KCNV2: variants seen among roughly 807,000 people sequenced by gnomAD.
KCNV2 encodes potassium voltage-gated channel subfamily V member 2.
KCNV2 carries 65 observed loss-of-function variants against 37.0 expected under a neutral mutation model. The observed-to-expected ratio is 1.76, with a 90% CI of 1.44 to 2.16. The LOEUF (loss-of-function observed/expected upper bound fraction) is 2.16. Among genes scored for constraint, KCNV2 ranks in the 30% most tolerant of loss-of-function variants. The pLI, the probability that KCNV2 is intolerant of heterozygous loss-of-function variation, is 0.00. For missense variants in KCNV2, 1,232 were observed against 766.7 expected (o/e 1.61, Z -7.17); for synonymous variants, 518 against 328.6 (o/e 1.58, Z -6.23).
chr9:2,722,413 T>C (rs1819893235), intron 1 of KCNV2, among the ~76,000 whole-genome samples: 1 of 138,350 alleles, frequency 7.2e-6, no homozygotes, highest in South Asian at 2.2e-4. Context: ...ATAAATAAGT[T>C]ATTTATAAAT....
At chr9:2,725,950 T>C (rs2130866878) in intron 1 of KCNV2, among the ~76,000 whole-genome samples, 1 of 152,360 alleles carries the variant, frequency 6.6e-6, no homozygotes, top group South Asian at 2.1e-4. Context: ...ATTCTGGCTT[T>C]GGGACCCAAG....
intron 1 of KCNV2, among the ~76,000 whole-genome samples, chr9:2,727,723 TATA>T (rs1267428777): frequency 3.9e-5 from 6 of 152,132 alleles, no homozygotes; most frequent in Admixed American, 2.0e-4. Flanking sequence ...ATGATATATA[TATA>T]ATAATATTAT....
Position 2,718,313 on chromosome 9 carries a change from C to T in KCNV2, c.574C>T (p.Leu192Phe), listed in dbSNP as rs1423174083. 10 of 1,607,384 alleles carry T rather than the reference C, an allele frequency of 6.2e-6. No homozygotes were observed. The highest frequency in any genetic ancestry group is 8.5e-6 in the Non-Finnish European group (10 of 1,178,616). ...GGAGCTGGGCTACTGGGGCGTGCGG[C>T]TCAAGTACACGCCACGCTGCTGCCG... ...LEELGYWGVR[L>F]KYTPRCCRIC... The change falls in exon 1 of 2, where the codon CTC (leucine) becomes TTC (phenylalanine). Residue 192 changes from leucine to phenylalanine, a missense_variant. By Grantham distance (22) the Leu-to-Phe change is conservative. Transcript: ENST00000382082.
At chr9:2,719,310 G>T (rs1819818354) in intron 1 of KCNV2, among the ~76,000 whole-genome samples, 1 of 152,114 alleles carries the variant, frequency 6.6e-6, no homozygotes, top group Non-Finnish European at 1.5e-5. Flanking sequence ...TGACTTAGTC[G>T]TAGAAATCTC....
Position 2,717,946 on chromosome 9 carries a change from C to T in KCNV2, c.207C>T (p.Asp69=), listed in dbSNP as rs141193056. 1.8e-4 allele frequency: 286 copies of T among 1,614,004 alleles called. No homozygotes were observed. In the African/African-American group the frequency reaches 3.5e-3, roughly 20 times the overall value. Residue 69 remains aspartate (D), a synonymous_variant, in exon 1 of 2, where the codon GAC becomes GAT. Coordinates refer to ENST00000382082, the MANE Select transcript of KCNV2 (RefSeq NM_133497.4). ...GCGAGGAGGAGGACCAGTGGAAGGA[C>T]GACCTGGCAGAAGAGGACCAGCAGG... ...EDGEEEDQWK[D]DLAEEDQQAG...
At chr9:2,719,156 C>T in intron 1 of KCNV2, 61 bp downstream of exon 1, 1 of 1,577,410 alleles carries the variant, frequency 6.3e-7, no homozygotes, top group Non-Finnish European at 8.6e-7. Context: ...CTGCTCCTCC[C>T]TCCCCTGGTT....
rs2130859870 is a variant in KCNV2 at position 2,717,728 on chromosome 9, C to G, written c.-12C>G. 6.2e-7 allele frequency: 1 copy of G among 1,614,212 alleles called. No homozygotes were observed. Among genetic ancestry groups the G allele is most frequent in the Middle Eastern group, 1.6e-4 (1 of 6,062 alleles). On this transcript the variant is annotated 5_prime_UTR_variant, in exon 1 of 2. Transcript: ENST00000382082. Reference sequence around the variant, plus strand: ...CCAGGAGGAAAAAGCTAGGCGTCCACTTTCCGCAGCCATGCTCAAACAGAG... The same window carrying G: ...CCAGGAGGAAAAAGCTAGGCGTCCAGTTTCCGCAGCCATGCTCAAACAGAG...
chr9:2,719,206 C>G, intron 1 of KCNV2, 111 bp downstream of exon 1: 2 of 1,224,416 alleles, frequency 1.6e-6, no homozygotes, highest in Non-Finnish European at 2.3e-6. Flanking sequence ...TCGTCTTCCC[C>G]CCCACCCCCA....
At chr9:2,727,289 TGGGGGAG>T (rs897795414) in intron 1 of KCNV2, among the ~76,000 whole-genome samples, 6 of 33,520 alleles carry the variant, frequency 1.8e-4, no homozygotes, top group African/African-American at 7.3e-4. Context: ...TGTTGTGGGG[TGGGGGAG>T]GGGGGAGGGG....
intron 1 of KCNV2, among the ~76,000 whole-genome samples, chr9:2,728,710 T>G (rs974470803): frequency 3.9e-5 from 6 of 152,150 alleles, no homozygotes; most frequent in Non-Finnish European, 5.9e-5. Flanking sequence ...TTGAACTACG[T>G]AACAACTTTG....
At position 2,718,514 on chromosome 9, in the gene KCNV2, G is replaced by A. The variant is rs2130861197; in HGVS notation, c.775G>A (p.Ala259Thr). The A allele has an allele frequency of 2.5e-6, 4 of 1,610,526 alleles. No homozygotes were observed. Among genetic ancestry groups the A allele is most frequent in the Admixed American group, 1.7e-5 (1 of 59,696 alleles). The change falls in exon 1 of 2, where the codon GCC becomes ACC. Residue 259 changes from alanine to threonine, a missense_variant. By Grantham distance (58) the Ala-to-Thr change is moderately conservative. Transcript: ENST00000382082. ...GGAGAAGCCATTCTCCTCGGTGGCC[G>A]CCAAGGCCATCGGGGTGGCCTCCAG... Reference protein sequence around the residue: ...LMEKPFSSVAAKAIGVASSTF... With the variant: ...LMEKPFSSVATKAIGVASSTF...
In KCNV2 at chr9:2,718,289, G is replaced by C. The variant is rs1012003891; in HGVS notation, c.550G>C (p.Glu184Gln). ...GCTGTGTCCGCGCCGCTTCCTGGAG[G>C]AGCTGGGCTACTGGGGCGTGCGGCT... ...DGLCPRRFLEELGYWGVRLKY... is the reference protein window; with the variant it reads ...DGLCPRRFLEQLGYWGVRLKY... Residue 184 changes from glutamate to glutamine, a missense_variant, in exon 1 of 2, where the codon GAG (glutamate) becomes CAG (glutamine). Physicochemically the swap from Glu to Gln is conservative, Grantham distance 29. Transcript: ENST00000382082. 1.2e-6 allele frequency: 2 copies of C among 1,611,292 alleles called. No individual in the cohort carries two copies. Among genetic ancestry groups the C allele is most frequent in the African/African-American group, 2.7e-5 (2 of 75,054 alleles).
At chr9:2,722,936 C>G (rs574638139) in intron 1 of KCNV2, among the ~76,000 whole-genome samples, 1 of 152,278 alleles carries the variant, frequency 6.6e-6, no homozygotes, top group East Asian at 1.9e-4. Context: ...CATGCAAACA[C>G]TTCATAAGTT....
intron 1 of KCNV2, among the ~76,000 whole-genome samples, chr9:2,722,434 TATAA>T (rs1472710311): frequency 7.2e-6 from 1 of 138,820 alleles, no homozygotes. Context: ...AGAAGTTATT[TATAA>T]ATAAGTTATT....
chr9:2,720,302 C>G (rs1433541763), intron 1 of KCNV2, among the ~76,000 whole-genome samples: 1 of 152,212 alleles, frequency 6.6e-6, no homozygotes, highest in African/African-American at 2.4e-5. Flanking sequence ...GAATAATTAA[C>G]TGTGAAACCT....
rs10967709 is a variant in KCNV2 at position 2,718,498 on chromosome 9, A to T, written c.759A>T (p.Pro253=). ...RRRLWNLMEK[P]FSSVAAKAIG... Reference sequence around the variant, plus strand: ...GCCTCTGGAACCTCATGGAGAAGCCATTCTCCTCGGTGGCCGCCAAGGCCA... The same window carrying T: ...GCCTCTGGAACCTCATGGAGAAGCCTTTCTCCTCGGTGGCCGCCAAGGCCA... The change falls in exon 1 of 2, where the codon CCA becomes CCT. Residue 253 remains proline, a synonymous_variant. Coordinates refer to ENST00000382082, the MANE Select transcript of KCNV2 (RefSeq NM_133497.4). 1 of 1,610,448 alleles carries T rather than the reference A, an allele frequency of 6.2e-7. No individual in the cohort carries two copies. The highest frequency in any genetic ancestry group is 8.5e-7 in the Non-Finnish European group (1 of 1,178,944).
In KCNV2 at chr9:2,729,981, T is replaced by TA. The variant is rs1820041877; in HGVS notation, c.*255dup. The TA allele has an allele frequency of 4.3e-6, 2 of 462,408 alleles. No individual in the cohort carries two copies. The highest frequency in any genetic ancestry group is 7.7e-6 in the Non-Finnish European group (2 of 259,616). 28.6% of individuals were successfully genotyped at this position (462,408 alleles called of 1,614,324 possible). A position where few individuals can be genotyped will look rare whatever the true frequency, so the allele number is the denominator to read the frequency against. On this transcript the variant is annotated 3_prime_UTR_variant, in exon 2 of 2. Coordinates refer to ENST00000382082, the MANE Select transcript of KCNV2 (RefSeq NM_133497.4). ...TGAAAACCTGAGGGGAGCAACAGCT[T>TA]AGATTTTTCTTGTAGCTTCTCGTGG...
chr9:2,718,159 C>A lies in KCNV2; in HGVS notation c.420C>A (p.Asp140Glu), dbSNP rs886131960. 6.8e-6 allele frequency: 11 copies of A among 1,612,216 alleles called. No homozygotes were observed. In the Admixed American group the frequency reaches 1.2e-4, roughly 17 times the overall value. The change falls in exon 1 of 2, where the codon GAC becomes GAA. Residue 140 changes from aspartate to glutamate, a missense_variant. By Grantham distance (45) the Asp-to-Glu change is conservative. Coordinates refer to ENST00000382082, the MANE Select transcript of KCNV2 (RefSeq NM_133497.4). ...GCAGCCGCCAGCTAAGCCTGTGCGA[C>A]GACTACGAGGAGCAGACAGACGAAT... ...TSRSRQLSLCDDYEEQTDEYF... is the reference protein window; with the variant it reads ...TSRSRQLSLCEDYEEQTDEYF...
Position 2,718,897 on chromosome 9 carries a change from C to T in KCNV2, c.1158C>T (p.Arg386=), listed in dbSNP as rs779290388. 1.9e-6 allele frequency: 3 copies of T among 1,609,072 alleles called. No individual in the cohort carries two copies. The Admixed American group carries it at 5.0e-5, about 27-fold the overall frequency. ...TCATGCGCCTCATGCGCATCTTCCGCATCCTCAAGCTGGCGCGCCACTCCA... is the reference window on the plus strand; with the variant it reads ...TCATGCGCCTCATGCGCATCTTCCGTATCCTCAAGCTGGCGCGCCACTCCA... The part of the protein sequence containing the change: ...LRVMRLMRIF[R]ILKLARHSTG... Residue 386 remains arginine, a synonymous_variant, in exon 1 of 2, where the codon CGC becomes CGT. Transcript: ENST00000382082.
Sources: allele counts gnomAD v4.1 joint callset (sites outside exome capture counted in the v4.1 genomes callset), GRCh38; gene constraint gnomAD v4.1.1; transcripts MANE v1.5; gene names NCBI Gene and HGNC (gene_info 2026-07-23, HGNC 2026-07-21).